Variants in CPAP observed in about 807,000 individuals in gnomAD.
CPAP encodes centrosome assembly and centriole elongation protein, also known as centrosomal P4.1-associated protein.
the CPAP span, among the ~76,000 whole-genome samples, chr13:24,927,300 G>A: frequency 1.3e-5 from 2 of 152,036 alleles, no homozygotes; most frequent in Non-Finnish European, 2.9e-5. Context: ...TGGGTAGAAC[G>A]GTGACCTTTA....
chr13:24,931,102 C>T, the CPAP span, among the ~76,000 whole-genome samples: 7 of 152,166 alleles, frequency 4.6e-5, no homozygotes, highest in African/African-American at 1.4e-4. Context: ...TATTCTTTTG[C>T]ATATTCCCTA....
the CPAP span, chr13:24,905,317 G>C: frequency 1.9e-6 from 3 of 1,596,450 alleles, no homozygotes; most frequent in Non-Finnish European, 2.6e-6. Flanking sequence ...CTAACATTCT[G>C]ATACATATTT....
At chr13:24,887,287 G>A in the CPAP span, among the ~76,000 whole-genome samples, 1 of 152,150 alleles carries the variant, frequency 6.6e-6, no homozygotes, top group Non-Finnish European at 1.5e-5. Flanking sequence ...ACTTATACCA[G>A]GGGGCCCCAA....
chr13:24,898,380 T>C, the CPAP span, among the ~76,000 whole-genome samples: 4 of 152,176 alleles, frequency 2.6e-5, no homozygotes, highest in Admixed American at 6.5e-5. Context: ...TTCATTCTGT[T>C]CTTGCTACTT....
chr13:24,888,017 C>T, the CPAP span, among the ~76,000 whole-genome samples: 4 of 152,180 alleles, frequency 2.6e-5, no homozygotes, highest in African/African-American at 7.2e-5. Context: ...TATGTCTTTA[C>T]GTAGGTGGTG....
chr13:24,924,607 A>C, the CPAP span: 1 of 152,204 alleles, frequency 6.6e-6, no homozygotes, highest in Non-Finnish European at 1.5e-5. Flanking sequence ...AAAATGTTCT[A>C]CCTTATCAGT....
the CPAP span, among the ~76,000 whole-genome samples, chr13:24,899,961 CAA>C: frequency 3.5e-5 from 5 of 144,600 alleles, no homozygotes; most frequent in East Asian, 2.0e-4. Context: ...GACTCTGTCT[CAA>C]AAAAAAAAAA....
At chr13:24,890,431 G>T in the CPAP span, among the ~76,000 whole-genome samples, 7 of 152,202 alleles carry the variant, frequency 4.6e-5, no homozygotes, top group African/African-American at 1.7e-4. Context: ...TGGCCCTACG[G>T]GTCCTCGACC....
the CPAP span, among the ~76,000 whole-genome samples, chr13:24,926,073 G>A: frequency 3.3e-5 from 5 of 152,266 alleles, no homozygotes; most frequent in East Asian, 7.7e-4. Context: ...CTGAGTACTC[G>A]TTTCATCCAT....
chr13:24,896,702 G>C, the CPAP span, among the ~76,000 whole-genome samples: 1 of 152,214 alleles, frequency 6.6e-6, no homozygotes, highest in Non-Finnish European at 1.5e-5. Context: ...AGAGCTATGA[G>C]AAAGAGAAGG....
chr13:24,898,348 G>T, the CPAP span, among the ~76,000 whole-genome samples: 2 of 152,184 alleles, frequency 1.3e-5, no homozygotes, highest in African/African-American at 4.8e-5. Context: ...TAGACAAAAT[G>T]ATCACTGGTA....
At chr13:24,907,571 CATATT>C in the CPAP span, among the ~76,000 whole-genome samples, 1 of 149,400 alleles carries the variant, frequency 6.7e-6, no homozygotes, top group East Asian at 1.9e-4. Context: ...TCATTTTGTC[CATATT>C]ATATTAAAAA....
chr13:24,931,362 CATT>C, the CPAP span, among the ~76,000 whole-genome samples: 2 of 96,824 alleles, frequency 2.1e-5, no homozygotes, highest in Non-Finnish European at 3.9e-5. Flanking sequence ...ACATTTTGAG[CATT>C]ATAATGTGGT....
At chr13:24,883,118 A>AT in the CPAP span, 27 of 1,384,634 alleles carry the variant, frequency 1.9e-5, no homozygotes, top group South Asian at 2.7e-4. Context: ...TCCACAGTAA[A>AT]TGTACATTTT....
the CPAP span, among the ~76,000 whole-genome samples, chr13:24,889,661 T>C: frequency 2.6e-5 from 4 of 152,256 alleles, no homozygotes; most frequent in East Asian, 7.7e-4. Context: ...AACCATCTCC[T>C]CTGACCATTA....
At chr13:24,891,954 G>A in the CPAP span, among the ~76,000 whole-genome samples, 1 of 152,076 alleles carries the variant, frequency 6.6e-6, no homozygotes, top group Non-Finnish European at 1.5e-5. Flanking sequence ...CTCCTTACAT[G>A]CGCTTCCCAG....
At chr13:24,891,612 C>T in the CPAP span, among the ~76,000 whole-genome samples, 1 of 152,136 alleles carries the variant, frequency 6.6e-6, no homozygotes, top group Admixed American at 6.5e-5. Flanking sequence ...CTTCTCTCCA[C>T]CCGCCACTGC....
At chr13:24,903,425 C>T in the CPAP span, among the ~76,000 whole-genome samples, 2 of 152,112 alleles carry the variant, frequency 1.3e-5, no homozygotes, top group Non-Finnish European at 2.9e-5. Context: ...GGAAGATGGC[C>T]ATGTGACCAC....
At chr13:24,924,495 T>C in the CPAP span, among the ~76,000 whole-genome samples, 1 of 152,218 alleles carries the variant, frequency 6.6e-6, no homozygotes, top group Non-Finnish European at 1.5e-5. Context: ...CTGTAGCCCA[T>C]GTAATTCTCA....
Sources: gnomAD v4.1 joint callset for allele counts (sites outside exome capture counted in the v4.1 genomes callset) on GRCh38, gnomAD v4.1.1 for gene constraint, MANE v1.5 for transcripts, NCBI Gene and HGNC (gene_info 2026-07-23, HGNC 2026-07-21) for gene names.